Variants in IL16 observed in about 807,000 individuals in gnomAD.
IL16 encodes the protein interleukin 16.
Under a neutral mutation model 110.1 loss-of-function variants are expected in IL16, and 67 were observed. That is an observed-to-expected ratio of 0.61 (90% CI 0.50 to 0.75). The LOEUF (loss-of-function observed/expected upper bound fraction) is 0.75, where lower values mean the gene tolerates loss of function less well. IL16 is among the 30% of genes least tolerant of loss of function. The pLI, the probability that IL16 is intolerant of heterozygous loss-of-function variation, is 0.00. For synonymous variants in IL16, 689 were observed against 662.9 expected, an observed-to-expected ratio of 1.04 and a Z score of -0.61; for missense variants, 1,545 against 1,655.0, an observed-to-expected ratio of 0.93 and a Z score of 1.15.
chr15:81,265,679 A>C lies in IL16; in HGVS notation c.442A>C (p.Arg148=). Reference sequence around the variant, plus strand: ...TTTAGGTGTTAATCCCTATTGCACAAGAGAAATTGATTTTCCAATGACCAA... The same window carrying C: ...TTTAGGTGTTAATCCCTATTGCACACGAGAAATTGATTTTCCAATGACCAA... The part of the protein sequence containing the change: ...NSTSVNPYCT[R]EIDFPMTKKS... Residue 148 remains arginine (R), a synonymous_variant, in exon 4 of 19, where the codon AGA becomes CGA. Coordinates refer to ENST00000683961, the MANE Select transcript of IL16 (RefSeq NM_172217.5). 6.2e-7 allele frequency: 1 copy of C among 1,614,040 alleles called. No homozygotes were observed. The highest frequency in any genetic ancestry group is 1.3e-5 in the African/African-American group (1 of 75,056).
chr15:81,312,127 G>T lies in IL16; in HGVS notation c.*3329G>T, dbSNP rs1371949838. On this transcript the variant is annotated 3_prime_UTR_variant, in exon 19 of 19. Transcript: ENST00000683961. Reference sequence around the variant, plus strand: ...CGTGGTCTTTCTTACAAGGAAGGTGGTGGGGGTGCAGATGAGGTTGCTAGA... The same window carrying T: ...CGTGGTCTTTCTTACAAGGAAGGTGTTGGGGGTGCAGATGAGGTTGCTAGA... The T allele has an allele frequency of 6.6e-6, 1 of 152,286 alleles. No individual in the cohort carries two copies. Among genetic ancestry groups the T allele is most frequent in the African/African-American group, 2.4e-5 (1 of 41,466 alleles). The allele number at this position is 152,286 out of a possible 1,614,324, so 9.4% of individuals were successfully genotyped here.
At chr15:81,271,855 C>T (rs1898657174) in intron 5 of IL16, among the ~76,000 whole-genome samples, 1 of 152,190 alleles carries the variant, frequency 6.6e-6, no homozygotes, top group African/African-American at 2.4e-5. Context: ...CACTGACTCC[C>T]TACAGTGTCA....
At position 81,182,883 on chromosome 15, in the gene IL16, G is replaced by A. The variant is rs554802930; in HGVS notation, c.27G>A (p.Pro9=). ...TGAGTTTGCAGAAGAGAGTCTTCCCGAGAAGGCAGAACGGTGAGTGGAGCT... is the reference window on the plus strand; with the variant it reads ...TGAGTTTGCAGAAGAGAGTCTTCCCAAGAAGGCAGAACGGTGAGTGGAGCT... The change falls in exon 1 of 19, where the codon CCG becomes CCA. Residue 9 remains proline, a synonymous_variant. Transcript: ENST00000302987. 163 of 1,289,392 alleles carry A rather than the reference G, an allele frequency of 1.3e-4. 1 individual carries two copies. The highest frequency in any genetic ancestry group is 6.0e-4 in the South Asian group (49 of 81,014). The allele number at this position is 1,289,392 out of a possible 1,614,324, so 79.9% of individuals were successfully genotyped here.
chr15:81,277,746 A>G (rs1243301141), intron 6 of IL16, among the ~76,000 whole-genome samples: 2 of 152,190 alleles, frequency 1.3e-5, no homozygotes, highest in Non-Finnish European at 2.9e-5. Context: ...GAAACCAGAG[A>G]AAAAGGATGG....
At chr15:81,258,434 C>T (rs1333141050) in intron 2 of IL16, among the ~76,000 whole-genome samples, 1 of 152,172 alleles carries the variant, frequency 6.6e-6, no homozygotes, top group East Asian at 1.9e-4. Flanking sequence ...GTCACGATGA[C>T]TCACGCCTGT....
chr15:81,299,233 C>G (rs1009256800), intron 13 of IL16, 147 bp from the exon 14 acceptor site: 6 of 1,325,302 alleles, frequency 4.5e-6, no homozygotes. Context: ...GTAATAGCAC[C>G]TGGAGTTCAC....
intron 9 of IL16, 39 bp downstream of exon 9, chr15:81,282,795 T>G (rs375191282): frequency 7.4e-7 from 1 of 1,345,998 alleles, no homozygotes; most frequent in African/African-American, 1.4e-5. Flanking sequence ...ACCCCCGACT[T>G]ACAACCAGGA....
intron 2 of IL16, among the ~76,000 whole-genome samples, chr15:81,255,188 CCT>C (rs1255325738): frequency 2.6e-5 from 4 of 152,306 alleles, no homozygotes; most frequent in African/African-American, 7.2e-5. Context: ...GTGTGCACTG[CCT>C]CTGTTTCAGG....
chr15:81,229,583 TTG>T (rs1896903453), intron 2 of IL16, among the ~76,000 whole-genome samples: 1 of 152,088 alleles, frequency 6.6e-6, no homozygotes, highest in South Asian at 2.1e-4. Flanking sequence ...CAAGAGTGAA[TTG>T]TAAGCAAGGG....
intron 18 of IL16, among the ~76,000 whole-genome samples, chr15:81,307,418 C>A (rs560774408): frequency 6.6e-6 from 1 of 152,318 alleles, no homozygotes; most frequent in African/African-American, 2.4e-5. Flanking sequence ...CCCTCACCCA[C>A]TATGAGCTCC....
intron 2 of IL16, among the ~76,000 whole-genome samples, chr15:81,251,474 T>G (rs1370797987): frequency 6.6e-6 from 1 of 152,188 alleles, no homozygotes; most frequent in African/African-American, 2.4e-5. Context: ...CATAGAAGTC[T>G]CCTGTCATGA....
intron 1 of IL16, among the ~76,000 whole-genome samples, chr15:81,191,649 A>G (rs1031778846): frequency 2.0e-5 from 3 of 152,158 alleles, no homozygotes; most frequent in Non-Finnish European, 4.4e-5. Flanking sequence ...TAAAATAAGG[A>G]GAGGTAACGG....
At chr15:81,254,042 C>A (rs1269698776) in intron 2 of IL16, among the ~76,000 whole-genome samples, 19 of 152,084 alleles carry the variant, frequency 1.2e-4, no homozygotes, top group Non-Finnish European at 1.0e-4. Context: ...AGCCTGTAGC[C>A]GTATGATCAA....
Position 81,225,636 on chromosome 15 carries a change from G to C in IL16, c.237G>C (p.Leu79=). The part of the protein sequence containing the change: ...AGPSSVPDLA[L]ASEAAQLQAA... ...CCAGCAGTGTTCCTGATCTAGCACTGGCCTCGGAGGCTGCTCAACTCCAAG... is the reference window on the plus strand; with the variant it reads ...CCAGCAGTGTTCCTGATCTAGCACTCGCCTCGGAGGCTGCTCAACTCCAAG... The change falls in exon 2 of 19, where the codon CTG becomes CTC. Residue 79 remains leucine, a synonymous_variant. Coordinates refer to ENST00000683961, the MANE Select transcript of IL16 (RefSeq NM_172217.5). The C allele has an allele frequency of 1.2e-6, 2 of 1,614,010 alleles. No homozygotes were observed. Among genetic ancestry groups the C allele is most frequent in the Non-Finnish European group, 1.7e-6 (2 of 1,179,984 alleles).
chr15:81,266,471 A>G (rs1170066364), intron 4 of IL16, among the ~76,000 whole-genome samples: 7 of 152,138 alleles, frequency 4.6e-5, no homozygotes, highest in Non-Finnish European at 7.4e-5. Flanking sequence ...CCTTCCCACT[A>G]CAGGTGTCAG....
chr15:81,232,427 A>G (rs1897040190), intron 2 of IL16, among the ~76,000 whole-genome samples: 1 of 152,124 alleles, frequency 6.6e-6, no homozygotes, highest in Non-Finnish European at 1.5e-5. Context: ...CTCAAGGGGA[A>G]AGTTTCATTA....
chr15:81,190,296 C>T (rs1895479789), intron 1 of IL16, among the ~76,000 whole-genome samples: 1 of 152,202 alleles, frequency 6.6e-6, no homozygotes, highest in African/African-American at 2.4e-5. Flanking sequence ...TAGCACCACC[C>T]AGGCACTGAC....
At chr15:81,207,780 T>C (rs1179226336) in intron 1 of IL16, among the ~76,000 whole-genome samples, 2 of 152,144 alleles carry the variant, frequency 1.3e-5, no homozygotes, top group African/African-American at 2.4e-5. Flanking sequence ...AATAGGTATC[T>C]AGGTTGATTC....
At position 81,313,010 on chromosome 15, in the gene IL16, GTT is replaced by G; in HGVS notation, c.*4214_*4215del. ...GGGTCTACCCTGCCAGGAGAGGCGTGTTTGGGTAACAGGCAGATGGAGTTTGG... is the reference window on the plus strand; with the variant it reads ...GGGTCTACCCTGCCAGGAGAGGCGTGTGGGTAACAGGCAGATGGAGTTTGG... On this transcript the variant is annotated 3_prime_UTR_variant, in exon 19 of 19. Transcript: ENST00000683961. 1 of 279,528 alleles carries G rather than the reference GTT, an allele frequency of 3.6e-6. No homozygotes were observed. The highest frequency in any genetic ancestry group is 6.5e-6 in the Non-Finnish European group (1 of 152,926). 17.3% of individuals were successfully genotyped at this position (279,528 alleles called of 1,614,324 possible). A position where few individuals can be genotyped will look rare whatever the true frequency, so the allele number is the denominator to read the frequency against.
Sources: gnomAD v4.1 joint callset for allele counts (sites outside exome capture counted in the v4.1 genomes callset) on GRCh38, gnomAD v4.1.1 for gene constraint, MANE v1.5 for transcripts, NCBI Gene and HGNC (gene_info 2026-07-23, HGNC 2026-07-21) for gene names.